The following CNTN3 variants were observed in gnomAD, a reference collection of about 807,000 sequenced individuals.
CNTN3 encodes contactin-3.
Under a neutral mutation model 119.1 loss-of-function variants are expected in CNTN3, and 60 were observed. The ratio of observed to expected loss-of-function variants is 0.50; its 90% CI spans 0.41 to 0.62. The LOEUF is 0.62. CNTN3 is among the 20% of genes least tolerant of loss of function. The pLI is 0.00. For synonymous variants in CNTN3, 450 were observed against 438.7 expected (o/e 1.03, Z -0.32); for missense variants, 1,101 against 1,242.4 (o/e 0.89, Z 1.71).
chr3:74,528,408 C>T (rs1267044362), intron 1 of CNTN3, among the ~76,000 whole-genome samples: 1 of 151,802 alleles, frequency 6.6e-6, no homozygotes, highest in African/African-American at 2.4e-5. Context: ...ATGGAGTGCC[C>T]ATTATGTGCC....
chr3:74,333,974 G>C (rs773041259), intron 13 of CNTN3, among the ~76,000 whole-genome samples: 1 of 152,108 alleles, frequency 6.6e-6, no homozygotes, highest in Non-Finnish European at 1.5e-5. Context: ...AGTCCTACAA[G>C]GGAAGCTAGC....
intron 19 of CNTN3, among the ~76,000 whole-genome samples, chr3:74,285,790 G>GAT (rs71129738): frequency 0.068 from 3,782 of 55,982 alleles, 222 homozygotes; most frequent in Non-Finnish European, 0.098. Flanking sequence ...ATGAAGGGGA[G>GAT]ATATATATAT....
chr3:74,491,407 G>A (rs1019655825), intron 3 of CNTN3, among the ~76,000 whole-genome samples: 8 of 152,120 alleles, frequency 5.3e-5, no homozygotes, highest in African/African-American at 1.9e-4. Flanking sequence ...GGAGACTAAG[G>A]TGAGAGGGCT....
chr3:74,567,932 A>G (rs960389024), intron 1 of CNTN3, among the ~76,000 whole-genome samples: 1 of 152,190 alleles, frequency 6.6e-6, no homozygotes, highest in Non-Finnish European at 1.5e-5. Context: ...CGTTAGCAAG[A>G]TTTTAACAAT....
intron 19 of CNTN3, among the ~76,000 whole-genome samples, chr3:74,292,479 T>G (rs577106461): frequency 7.2e-5 from 11 of 151,960 alleles, no homozygotes; most frequent in African/African-American, 2.4e-4. Context: ...GGCAGGAGAG[T>G]TGCTTGAACC....
chr3:74,324,011 T>TA (rs968754162), intron 13 of CNTN3, among the ~76,000 whole-genome samples: 7 of 151,986 alleles, frequency 4.6e-5, no homozygotes, highest in East Asian at 1.9e-4. Context: ...TTCAGAGATT[T>TA]AAAAAAAACC....
At chr3:74,458,479 T>C (rs775216702) in intron 4 of CNTN3, among the ~76,000 whole-genome samples, 4 of 152,038 alleles carry the variant, frequency 2.6e-5, no homozygotes, top group Non-Finnish European at 4.4e-5. Context: ...CCCATGAGTA[T>C]AGTTTTATTG....
intron 1 of CNTN3, among the ~76,000 whole-genome samples, chr3:74,591,289 C>G (rs1187556854): frequency 6.6e-6 from 1 of 151,910 alleles, no homozygotes; most frequent in Non-Finnish European, 1.5e-5. Context: ...GTTTGAAAAC[C>G]ACTGACTCCA....
intron 11 of CNTN3, among the ~76,000 whole-genome samples, chr3:74,358,593 T>TGA (rs1553649313): frequency 1.0e-5 from 1 of 98,666 alleles, no homozygotes; most frequent in South Asian, 2.7e-4. Context: ...TTTTTTTTTT[T>TGA]TTGATTTATT....
At chr3:74,431,605 G>T (rs1018178782) in intron 4 of CNTN3, among the ~76,000 whole-genome samples, 1 of 152,038 alleles carries the variant, frequency 6.6e-6, no homozygotes, top group African/African-American at 2.4e-5. Flanking sequence ...AAATGTATTT[G>T]ACCAAATAAT....
At chr3:74,277,350 T>C (rs1490914980) in intron 20 of CNTN3, among the ~76,000 whole-genome samples, 3 of 152,094 alleles carry the variant, frequency 2.0e-5, no homozygotes, top group Admixed American at 6.5e-5. Flanking sequence ...CTGATGAACA[T>C]AGATGCTAAA....
intron 5 of CNTN3, among the ~76,000 whole-genome samples, chr3:74,409,342 C>T (rs1701400075): frequency 6.6e-6 from 1 of 152,180 alleles, no homozygotes; most frequent in South Asian, 2.1e-4. Context: ...ATTAGGCAAA[C>T]ACCTAGCTGT....
Position 74,285,424 on chromosome 3 carries a change from G to A in CNTN3, c.2585C>T (p.Thr862Ile). 1 of 1,613,326 alleles carries A rather than the reference G, an allele frequency of 6.2e-7. No homozygotes were observed. ...SSKMKVAGNE[T>I]SARLRGLKSN... ...CTTCAGGCCCCGTAGTCTGGCTGAT[G>A]TCTCATTTCCTGCCACTTTCATCTT... is the stretch of plus-strand genomic sequence containing the variant. The change falls in exon 20 of 23, where the codon ACA becomes ATA. Residue 862 changes from threonine (T) to isoleucine (I), a missense_variant. Thr to Ile is a moderately conservative substitution (Grantham distance 89). Transcript: ENST00000263665.
chr3:74,292,996 T>C (rs985325944), intron 19 of CNTN3, among the ~76,000 whole-genome samples: 7 of 149,268 alleles, frequency 4.7e-5, no homozygotes, highest in African/African-American at 1.5e-4. Context: ...TTCTCCTGTA[T>C]TTATGTGGTG....
intron 13 of CNTN3, among the ~76,000 whole-genome samples, chr3:74,321,536 A>C (rs1028429915): frequency 6.6e-6 from 1 of 152,094 alleles, no homozygotes; most frequent in Non-Finnish European, 1.5e-5. Context: ...TCCAAATAAA[A>C]GGAATAAAAA....
At chr3:74,480,763 C>CA (rs1702749557) in intron 4 of CNTN3, among the ~76,000 whole-genome samples, 1 of 151,598 alleles carries the variant, frequency 6.6e-6, no homozygotes, top group Non-Finnish European at 1.5e-5. Context: ...AAATATTCAG[C>CA]AAAAATAGTA....
chr3:74,347,818 C>T (rs887484979), intron 11 of CNTN3, among the ~76,000 whole-genome samples: 3 of 152,082 alleles, frequency 2.0e-5, no homozygotes, highest in African/African-American at 7.2e-5. Context: ...TTAAAAGGTT[C>T]ATTGATGGAT....
At chr3:74,537,351 T>C (rs542319022) in intron 1 of CNTN3, among the ~76,000 whole-genome samples, 2 of 152,242 alleles carry the variant, frequency 1.3e-5, no homozygotes, top group East Asian at 3.9e-4. Context: ...TCAGACCATG[T>C]GGGGGAACTA....
chr3:74,595,588 C>A (rs1290623851), intron 1 of CNTN3, among the ~76,000 whole-genome samples: 6 of 152,094 alleles, frequency 3.9e-5, no homozygotes. Context: ...AAGACAAAAA[C>A]CACATGATTA....
Sources: allele counts gnomAD v4.1 joint callset (sites outside exome capture counted in the v4.1 genomes callset), GRCh38; gene constraint gnomAD v4.1.1; transcripts MANE v1.5; gene names NCBI Gene and HGNC (gene_info 2026-07-23, HGNC 2026-07-21).